The following GNG12 variants were observed in gnomAD, a reference collection of about 807,000 sequenced individuals.
GNG12 encodes the protein guanine nucleotide-binding protein G(I)/G(S)/G(O) subunit gamma-12.
For missense variants in GNG12, 69 were observed against 83.8 expected (o/e 0.82, Z 0.69); for synonymous variants, 28 against 29.7 (o/e 0.94, Z 0.19).
chr1:67,707,676 T>C lies in GNG12; in HGVS notation c.11A>G (p.Lys4Arg). The change falls in exon 3 of 4, where the codon AAA (lysine) becomes AGA (arginine). Residue 4 changes from lysine to arginine, a missense_variant. Coordinates refer to ENST00000370982, the MANE Select transcript of GNG12 (RefSeq NM_018841.6). ...GGCTATATTGTTGGTGCTTGCTGTTTTGCTGGACATCTTCAATTATTGTTT... is the reference window on the plus strand; with the variant it reads ...GGCTATATTGTTGGTGCTTGCTGTTCTGCTGGACATCTTCAATTATTGTTT... MSS[K>R]TASTNNIAQA... The C allele has an allele frequency of 5.0e-6, 8 of 1,601,872 alleles. No homozygotes were observed. The highest frequency in any genetic ancestry group is 6.8e-6 in the Non-Finnish European group (8 of 1,175,792).
At chr1:67,717,401 A>C (rs560712270) in intron 2 of GNG12, among the ~76,000 whole-genome samples, 13 of 152,088 alleles carry the variant, frequency 8.5e-5, no homozygotes, top group Admixed American at 7.2e-4. Flanking sequence ...CTATAGTCCC[A>C]GCTACTGGGG....
intron 1 of GNG12, among the ~76,000 whole-genome samples, chr1:67,788,979 G>A (rs1646785454): frequency 6.6e-6 from 1 of 152,180 alleles, no homozygotes; most frequent in South Asian, 2.1e-4. Flanking sequence ...ATGAGATAAA[G>A]GCTATACTTG....
intron 1 of GNG12, among the ~76,000 whole-genome samples, 154 bp downstream of exon 1, chr1:67,833,190 C>CTCCT (rs1368486375): frequency 6.6e-6 from 1 of 151,882 alleles, no homozygotes; most frequent in African/African-American, 2.4e-5. Context: ...ACACTCTTCC[C>CTCCT]TCCTTCCTTC....
At chr1:67,766,277 G>A (rs1013334066) in intron 2 of GNG12, among the ~76,000 whole-genome samples, 1 of 152,036 alleles carries the variant, frequency 6.6e-6, no homozygotes, top group African/African-American at 2.4e-5. Context: ...CAATTCTCTG[G>A]TCCTCCTCTA....
At chr1:67,708,123 GTT>G (rs1646260849) in intron 2 of GNG12, among the ~76,000 whole-genome samples, 1 of 152,230 alleles carries the variant, frequency 6.6e-6, no homozygotes, top group Non-Finnish European at 1.5e-5. Flanking sequence ...TTCACAGAAG[GTT>G]TGATTTCATT....
At chr1:67,822,982 T>C (rs147173325) in intron 1 of GNG12, among the ~76,000 whole-genome samples, 7 of 152,346 alleles carry the variant, frequency 4.6e-5, no homozygotes, top group African/African-American at 1.7e-4. Flanking sequence ...CCACATCCTT[T>C]GTAGAGTCCT....
chr1:67,744,756 G>A (rs576417019), intron 2 of GNG12, among the ~76,000 whole-genome samples: 13 of 152,272 alleles, frequency 8.5e-5, no homozygotes, highest in Middle Eastern at 3.4e-3. Flanking sequence ...TGGGAAGAGC[G>A]AGCTTTGGTC....
At chr1:67,719,727 A>C (rs1646346398) in intron 2 of GNG12, among the ~76,000 whole-genome samples, 1 of 152,230 alleles carries the variant, frequency 6.6e-6, no homozygotes, top group African/African-American at 2.4e-5. Flanking sequence ...TGGGTTTATC[A>C]TACCTACTGA....
At chr1:67,722,065 G>A (rs1322870803) in intron 2 of GNG12, among the ~76,000 whole-genome samples, 1 of 152,000 alleles carries the variant, frequency 6.6e-6, no homozygotes, top group Non-Finnish European at 1.5e-5. Flanking sequence ...TAAGAAGAGG[G>A]CATGCTTTCT....
At chr1:67,794,123 C>T (rs964039805) in intron 1 of GNG12, among the ~76,000 whole-genome samples, 1 of 152,148 alleles carries the variant, frequency 6.6e-6, no homozygotes, top group African/African-American at 2.4e-5. Flanking sequence ...TACAAGTAAA[C>T]CATATCCACT....
chr1:67,776,591 A>G (rs1646706617), intron 2 of GNG12, among the ~76,000 whole-genome samples: 1 of 152,166 alleles, frequency 6.6e-6, no homozygotes, highest in African/African-American at 2.4e-5. Flanking sequence ...GATGAGATAC[A>G]TGGCTTAGTC....
chr1:67,754,999 C>A (rs557050456), intron 2 of GNG12, among the ~76,000 whole-genome samples: 1 of 152,228 alleles, frequency 6.6e-6, no homozygotes, highest in Non-Finnish European at 1.5e-5. Context: ...TGGGCATGTG[C>A]CCCAGTTCTG....
intron 2 of GNG12, among the ~76,000 whole-genome samples, chr1:67,736,462 C>T (rs1188769174): frequency 8.5e-5 from 13 of 152,312 alleles, no homozygotes; most frequent in Admixed American, 5.9e-4. Context: ...GCTCTAAACA[C>T]TAGACTGCTT....
At chr1:67,805,703 G>C (rs1646890973) in intron 1 of GNG12, among the ~76,000 whole-genome samples, 1 of 151,870 alleles carries the variant, frequency 6.6e-6, no homozygotes. Flanking sequence ...AAGAATGCTA[G>C]AAAAATAAGG....
chr1:67,818,720 A>G (rs1646968814), intron 1 of GNG12, among the ~76,000 whole-genome samples: 1 of 152,156 alleles, frequency 6.6e-6, no homozygotes, highest in Non-Finnish European at 1.5e-5. Context: ...CAAAGGAAAG[A>G]GAGATCAAGA....
chr1:67,806,944 C>A (rs1253687187), intron 1 of GNG12, among the ~76,000 whole-genome samples: 3 of 152,070 alleles, frequency 2.0e-5, no homozygotes, highest in Non-Finnish European at 2.9e-5. Flanking sequence ...ATATAATTGA[C>A]TTCTATAGAC....
chr1:67,721,582 G>A (rs1448724713), intron 2 of GNG12, among the ~76,000 whole-genome samples: 1 of 152,172 alleles, frequency 6.6e-6, no homozygotes. Context: ...AAGTAAATTA[G>A]CATCAGTCTA....
At chr1:67,713,741 G>A (rs936346486) in intron 2 of GNG12, among the ~76,000 whole-genome samples, 2 of 152,120 alleles carry the variant, frequency 1.3e-5, no homozygotes, top group Admixed American at 1.3e-4. Flanking sequence ...CTCTTTATCT[G>A]CCTCTTCTTC....
chr1:67,746,937 T>TG (rs144027177), intron 2 of GNG12, among the ~76,000 whole-genome samples: 5,849 of 149,194 alleles, frequency 0.039, 337 homozygotes, highest in African/African-American at 0.13. Flanking sequence ...AAAGTGTGTG[T>TG]TTTTTTTTTC....
Sources: allele counts gnomAD v4.1 joint callset (sites outside exome capture counted in the v4.1 genomes callset), GRCh38; gene constraint gnomAD v4.1.1; transcripts MANE v1.5; gene names NCBI Gene and HGNC (gene_info 2026-07-23, HGNC 2026-07-21).